NRG1: variants seen among roughly 807,000 people sequenced by gnomAD.
NRG1 encodes neuregulin 1, also known as pro-neuregulin-1, membrane-bound isoform.
A neutral mutation model predicts 63.8 loss-of-function variants in NRG1; 18 were observed. The observed-to-expected ratio is 0.28, with a 90% confidence interval of 0.19 to 0.42. NRG1 has a LOEUF of 0.42. NRG1 is among the 10% of genes least tolerant of loss of function. The pLI is 1.00. For synonymous variants in NRG1, 302 were observed against 301.3 expected (o/e 1.00, Z -0.02); for missense variants, 762 against 814.7 (o/e 0.94, Z 0.79).
intron 1 of NRG1, among the ~76,000 whole-genome samples, chr8:32,037,845 GTCT>G (rs1194612707): frequency 2.0e-5 from 3 of 152,298 alleles, no homozygotes; most frequent in South Asian, 4.1e-4. Flanking sequence ...ACCGAACTCG[GTCT>G]TCTTAGGCTG....
chr8:31,998,758 C>A (rs557604952), intron 1 of NRG1, among the ~76,000 whole-genome samples: 6 of 151,974 alleles, frequency 3.9e-5, no homozygotes, highest in African/African-American at 1.4e-4. Flanking sequence ...GCCAATTAGG[C>A]ACCTTAGGAA....
At chr8:32,357,169 T>C (rs1806547714) in intron 1 of NRG1, among the ~76,000 whole-genome samples, 1 of 152,210 alleles carries the variant, frequency 6.6e-6, no homozygotes, top group South Asian at 2.1e-4. Flanking sequence ...ACAGACCTTC[T>C]GAACTTGCTC....
chr8:32,209,712 CCCTTCCTTCCTTCCTTCCTTCCTTCCTT>C (rs200085311), intron 1 of NRG1, among the ~76,000 whole-genome samples: 1,606 of 131,982 alleles, frequency 0.012, 30 homozygotes, highest in South Asian at 0.07. Flanking sequence ...TTCTCTCTTT[CCCTTCCTTCCTTCCTTCCTTCCTTCCTT>C]CCTTCCTTCC....
intron 1 of NRG1, among the ~76,000 whole-genome samples, chr8:32,425,100 AC>A (rs989445313): frequency 2.0e-5 from 3 of 152,110 alleles, no homozygotes; most frequent in Non-Finnish European, 2.9e-5. Context: ...CATTTCTCCA[AC>A]CCATCTTGGC....
chr8:31,829,026 G>A (rs1189926551), intron 1 of NRG1, among the ~76,000 whole-genome samples: 2 of 152,304 alleles, frequency 1.3e-5, no homozygotes, highest in East Asian at 1.9e-4. Flanking sequence ...TGAAGAGCTT[G>A]TGTTTCCTCT....
At chr8:32,051,317 G>A (rs1821942753) in intron 1 of NRG1, among the ~76,000 whole-genome samples, 2 of 152,080 alleles carry the variant, frequency 1.3e-5, no homozygotes, top group Admixed American at 1.3e-4. Flanking sequence ...GACCCAACTT[G>A]GAAGGGCTCA....
chr8:32,696,928 C>T (rs1213909029), intron 5 of NRG1, among the ~76,000 whole-genome samples: 1 of 152,134 alleles, frequency 6.6e-6, no homozygotes, highest in African/African-American at 2.4e-5. Context: ...TCCCAAAGTG[C>T]TGGGATTACA....
Position 31,640,518 on chromosome 8 carries a change from C to G in NRG1, c.37+1087C>G. On this transcript the variant is annotated intron_variant, in intron 1 of 10. Transcript: ENST00000519301. The surrounding 1 kb of genome is among the most constrained non-coding windows in gnomAD (Gnocchi z 6.3). Reference sequence around the variant, plus strand: ...TGAAAGCCGGGGGCTTGAAGAAGGACTCGCTGCTCACCGTGCGCCTGGGGA... The same window carrying G: ...TGAAAGCCGGGGGCTTGAAGAAGGAGTCGCTGCTCACCGTGCGCCTGGGGA... 6.2e-7 allele frequency: 1 copy of G among 1,611,428 alleles called. No individual in the cohort carries two copies. The highest frequency in any genetic ancestry group is 1.1e-5 in the South Asian group (1 of 90,880).
At chr8:32,682,436 T>C (rs1017704728) in intron 5 of NRG1, among the ~76,000 whole-genome samples, 2 of 152,182 alleles carry the variant, frequency 1.3e-5, no homozygotes, top group African/African-American at 4.8e-5. Flanking sequence ...TGCTTAAATA[T>C]GTAGTAAATT....
At chr8:31,956,256 A>G (rs1215706957) in intron 1 of NRG1, among the ~76,000 whole-genome samples, 3 of 152,066 alleles carry the variant, frequency 2.0e-5, no homozygotes, top group Non-Finnish European at 4.4e-5. Context: ...CAGTGCTGAT[A>G]AGTATGAGGT....
intron 5 of NRG1, among the ~76,000 whole-genome samples, chr8:32,628,144 A>G (rs749516975): frequency 3.3e-5 from 5 of 152,182 alleles, no homozygotes; most frequent in Non-Finnish European, 7.3e-5. Flanking sequence ...AAGCTGTAAA[A>G]TCTAATATGC....
intron 1 of NRG1, among the ~76,000 whole-genome samples, chr8:32,403,730 G>A (rs1232550509): frequency 1.3e-5 from 2 of 152,102 alleles, no homozygotes; most frequent in African/African-American, 2.4e-5. Flanking sequence ...TAATCAGATC[G>A]ACATCCTAGA....
At chr8:32,030,183 C>G (rs1338906148) in intron 1 of NRG1, among the ~76,000 whole-genome samples, 1 of 152,184 alleles carries the variant, frequency 6.6e-6, no homozygotes, top group Non-Finnish European at 1.5e-5. Flanking sequence ...TCTTCATTCT[C>G]TAGATCTGTC....
At chr8:32,044,335 A>G (rs113491560) in intron 1 of NRG1, among the ~76,000 whole-genome samples, 2,981 of 152,050 alleles carry the variant, frequency 0.02, 107 homozygotes, top group African/African-American at 0.068. Context: ...AAGGACAAAC[A>G]GAAATATTCA....
At chr8:32,149,536 A>C (rs1837271516) in intron 1 of NRG1, among the ~76,000 whole-genome samples, 1 of 152,174 alleles carries the variant, frequency 6.6e-6, no homozygotes, top group Non-Finnish European at 1.5e-5. Context: ...ATTTCTCTGT[A>C]GTTTATACAG....
intron 1 of NRG1, among the ~76,000 whole-genome samples, chr8:32,270,617 C>T (rs1328318901): frequency 6.6e-6 from 1 of 152,158 alleles, no homozygotes; most frequent in Non-Finnish European, 1.5e-5. Context: ...GTTTCACTGT[C>T]ACCTTTAAAT....
chr8:32,133,945 T>C (rs1464307341), intron 1 of NRG1, among the ~76,000 whole-genome samples: 1 of 152,126 alleles, frequency 6.6e-6, no homozygotes, highest in African/African-American at 2.4e-5. Context: ...TTCAGCCACT[T>C]TTTTTTGGAA....
chr8:31,909,889 G>A (rs929944996), intron 1 of NRG1, among the ~76,000 whole-genome samples: 2 of 152,076 alleles, frequency 1.3e-5, no homozygotes, highest in Non-Finnish European at 2.9e-5. Context: ...ATCCCTTAAC[G>A]AACCTAATCC....
chr8:31,852,383 G>GT (rs1165320422), intron 1 of NRG1, among the ~76,000 whole-genome samples: 5 of 151,874 alleles, frequency 3.3e-5, no homozygotes, highest in African/African-American at 1.2e-4. Context: ...TTTTTCATGT[G>GT]TTTTTTGGCT....
Sources: allele counts gnomAD v4.1 joint callset (sites outside exome capture counted in the v4.1 genomes callset), GRCh38; gene constraint gnomAD v4.1.1; non-coding constraint Gnocchi (gnomAD v3.1); transcripts MANE v1.5; gene names NCBI Gene and HGNC (gene_info 2026-07-23, HGNC 2026-07-21).